PCDHGB1: variants seen among roughly 807,000 people sequenced by gnomAD.
PCDHGB1 encodes the protein protocadherin gamma subfamily B, 1, also known as protocadherin gamma-B1.
PCDHGB1 carries 34 observed loss-of-function variants against 56.6 expected under a neutral mutation model. That is an observed-to-expected ratio of 0.60 (90% CI 0.46 to 0.80). The LOEUF (loss-of-function observed/expected upper bound fraction) is 0.80, where lower values mean the gene tolerates loss of function less well. Ranked by LOEUF, PCDHGB1 falls within the 30% of genes least tolerant of loss-of-function variation. The pLI is 0.00. For synonymous variants in PCDHGB1, 561 were observed against 505.9 expected (o/e 1.11, Z -1.46); for missense variants, 1,278 against 1,204.6 (o/e 1.06, Z -0.90).
At position 141,490,124 on chromosome 5, in the gene PCDHGB1, T is replaced by C. The variant is rs1216088470; in HGVS notation, c.2410-4683T>C. On this transcript the variant is annotated intron_variant, in intron 1 of 3. Transcript: ENST00000523390. The surrounding 1 kb of genome is among the most constrained non-coding windows in gnomAD (Gnocchi z 5.4). ...GAGGCAGTGCGGAACCTCTTTGGCCTAGACCCTAGCAGTGGGGCAATCCAT... is the reference window on the plus strand; with the variant it reads ...GAGGCAGTGCGGAACCTCTTTGGCCCAGACCCTAGCAGTGGGGCAATCCAT... 6.2e-7 allele frequency: 1 copy of C among 1,614,144 alleles called. No individual in the cohort carries two copies. Among genetic ancestry groups the C allele is most frequent in the Non-Finnish European group, 8.5e-7 (1 of 1,180,054 alleles).
At chr5:141,384,494 T>G (rs900386629) in intron 1 of PCDHGB1, 2 of 1,613,972 alleles carry the variant, frequency 1.2e-6, no homozygotes, top group Admixed American at 1.7e-5. Context: ...CAACTAAGAG[T>G]GACTGCACAT....
intron 1 of PCDHGB1, chr5:141,390,085 A>C (rs1253804368): frequency 2.5e-6 from 4 of 1,613,916 alleles, no homozygotes. Flanking sequence ...GTTAAATCCG[A>C]ATCCGTGGTT....
intron 1 of PCDHGB1, chr5:141,364,231 C>G: frequency 7.2e-7 from 1 of 1,392,330 alleles, no homozygotes; most frequent in Non-Finnish European, 9.6e-7. Flanking sequence ...CAACGCTCCA[C>G]GCCCATTTTC....
chr5:141,409,259 T>C lies in PCDHGB1; in HGVS notation c.2409+56590T>C, dbSNP rs370130162. ...CCCAGAAATAATCATCACTTCTCTC[T>C]CTGATCAGATTTTGGAGAATTCACC... is the stretch of plus-strand genomic sequence containing the variant. On this transcript the variant is annotated intron_variant, in intron 1 of 3. Coordinates refer to ENST00000523390, the MANE Select transcript of PCDHGB1 (RefSeq NM_018922.3). The C allele has an allele frequency of 1.9e-6, 3 of 1,614,012 alleles. No individual in the cohort carries two copies. Among genetic ancestry groups the C allele is most frequent in the South Asian group, 2.2e-5 (2 of 91,082 alleles).
intron 1 of PCDHGB1, chr5:141,370,515 C>T (rs570951423): frequency 6.2e-7 from 1 of 1,613,860 alleles, no homozygotes; most frequent in South Asian, 1.1e-5. Context: ...TCCCGAGGAG[C>T]TGGACAGGGG....
intron 1 of PCDHGB1, chr5:141,414,410 G>A (rs1216701146): frequency 1.2e-6 from 2 of 1,613,856 alleles, no homozygotes; most frequent in Non-Finnish European, 1.7e-6. Context: ...GTGATACACA[G>A]AGCCCTTGAC....
intron 1 of PCDHGB1, chr5:141,423,556 G>A (rs926962652): frequency 2.5e-6 from 4 of 1,613,550 alleles, no homozygotes; most frequent in African/African-American, 2.7e-5. Flanking sequence ...GCCCAACTAT[G>A]GGGACACGCT....
chr5:141,473,699 C>T (rs560096812), intron 1 of PCDHGB1, among the ~76,000 whole-genome samples: 2 of 152,244 alleles, frequency 1.3e-5, no homozygotes, highest in South Asian at 2.1e-4. Flanking sequence ...TGACCACCCT[C>T]CAAGTGGTGC....
intron 1 of PCDHGB1, among the ~76,000 whole-genome samples, chr5:141,494,328 G>T (rs1595238527): frequency 6.6e-6 from 1 of 152,200 alleles, no homozygotes; most frequent in Non-Finnish European, 1.5e-5. Flanking sequence ...CACCAAAAGG[G>T]TTACCAAGAA....
At chr5:141,410,063 C>CTGCGCACTGGGGAGG (rs2095353294) in intron 1 of PCDHGB1, 2 of 1,612,972 alleles carry the variant, frequency 1.2e-6, no homozygotes, top group Non-Finnish European at 1.7e-6. Context: ...CAGCCTGGGG[C>CTGCGCACTGGGGAGG]TGCGCACTGG....
intron 1 of PCDHGB1, chr5:141,478,354 C>G (rs141625672): frequency 2.8e-5 from 45 of 1,613,660 alleles, no homozygotes; most frequent in Non-Finnish European, 3.2e-5. Flanking sequence ...ACGCGGACGC[C>G]GTGCGGGGAG....
At chr5:141,388,941 C>A (rs191165529) in intron 1 of PCDHGB1, 1 of 1,613,962 alleles carries the variant, frequency 6.2e-7, no homozygotes, top group South Asian at 1.1e-5. Context: ...TCTACCCAAC[C>A]TAATTATGGA....
intron 1 of PCDHGB1, among the ~76,000 whole-genome samples, chr5:141,464,203 T>G (rs2099077714): frequency 6.6e-6 from 1 of 150,780 alleles, no homozygotes; most frequent in South Asian, 2.1e-4. Flanking sequence ...AGGCGGAGAT[T>G]GCAGTGAGCT....
In PCDHGB1 at chr5:141,404,331, A is replaced by G. The variant is rs201757016; in HGVS notation, c.2409+51662A>G. On this transcript the variant is annotated intron_variant, in intron 1 of 3. Coordinates refer to ENST00000523390, the MANE Select transcript of PCDHGB1 (RefSeq NM_018922.3). ...TTCTCTCAAGCCTCCTACTCAGTCT[A>G]CCTCCCGGAAAACAACGCCAGAGGT... 101 of 1,613,692 alleles carry G rather than the reference A, an allele frequency of 6.3e-5. 1 individual carries two copies. The highest frequency in any genetic ancestry group is 6.0e-4 in the African/African-American group (45 of 74,944).
rs926814527 is a variant in PCDHGB1 at position 141,388,113 on chromosome 5, G to A, written c.2409+35444G>A. 7 of 1,412,244 alleles carry A rather than the reference G, an allele frequency of 5.0e-6. No individual in the cohort carries two copies. Among genetic ancestry groups the A allele is most frequent in the African/African-American group, 4.3e-5 (3 of 69,434 alleles). 87.5% of individuals were successfully genotyped at this position (1,412,244 alleles called of 1,614,324 possible). On this transcript the variant is annotated intron_variant, in intron 1 of 3. Transcript: ENST00000523390. ...CAGTTCGGAGAAGCCTTACTTCACCGTGAGCGCAGAGAGCGGGGAGTTGCT... is the reference window on the plus strand; with the variant it reads ...CAGTTCGGAGAAGCCTTACTTCACCATGAGCGCAGAGAGCGGGGAGTTGCT...
intron 1 of PCDHGB1, among the ~76,000 whole-genome samples, chr5:141,442,910 C>G (rs1419319938): frequency 6.6e-6 from 1 of 152,196 alleles, no homozygotes; most frequent in African/African-American, 2.4e-5. Flanking sequence ...TCCTTCAGCA[C>G]ACAACTGTTT....
At chr5:141,388,793 T>A (rs1441605740) in intron 1 of PCDHGB1, 2 of 1,613,918 alleles carry the variant, frequency 1.2e-6, no homozygotes, top group Admixed American at 3.3e-5. Flanking sequence ...CTGTTTTAAA[T>A]ACATTAGATT....
At chr5:141,404,469 C>T (rs1239367876) in intron 1 of PCDHGB1, 3 of 1,612,966 alleles carry the variant, frequency 1.9e-6, no homozygotes, top group African/African-American at 1.3e-5. Flanking sequence ...ACCTATGTCT[C>T]TATTAACTCA....
intron 1 of PCDHGB1, chr5:141,361,606 A>G (rs367687761): frequency 1.9e-6 from 3 of 1,613,784 alleles, no homozygotes; most frequent in African/African-American, 2.7e-5. Flanking sequence ...TTCCTACTCC[A>G]TCGTAGCGAG....
Sources: gnomAD v4.1 joint callset for allele counts (sites outside exome capture counted in the v4.1 genomes callset) on GRCh38, gnomAD v4.1.1 for gene constraint, Gnocchi (gnomAD v3.1) non-coding constraint, MANE v1.5 for transcripts, NCBI Gene and HGNC (gene_info 2026-07-23, HGNC 2026-07-21) for gene names.